Variants in PTK2 observed in about 807,000 individuals in gnomAD.
PTK2 encodes protein tyrosine kinase 2.
In PTK2, 45 loss-of-function variants were observed where a neutral mutation model predicts 150.1. The ratio of observed to expected loss-of-function variants is 0.30; its 90% CI spans 0.24 to 0.38. The LOEUF is 0.38. PTK2 is among the 10% of genes least tolerant of loss of function. The pLI is 1.00. For synonymous variants in PTK2, 432 were observed against 449.2 expected, an observed-to-expected ratio of 0.96 and a Z score of 0.48; for missense variants, 919 against 1,307.3, an observed-to-expected ratio of 0.70 and a Z score of 4.58.
At chr8:140,765,854 C>G (rs2100071974) in intron 14 of PTK2, among the ~76,000 whole-genome samples, 2 of 152,182 alleles carry the variant, frequency 1.3e-5, no homozygotes, top group African/African-American at 2.4e-5. Flanking sequence ...GGAATCTACT[C>G]TAACAGCTAA....
At chr8:140,695,040 A>G (rs899500374) in intron 26 of PTK2, among the ~76,000 whole-genome samples, 2 of 152,238 alleles carry the variant, frequency 1.3e-5, no homozygotes, top group Non-Finnish European at 2.9e-5. Context: ...TCTGGGCTCT[A>G]TGCCCTATAT....
chr8:140,896,796 G>GGGT (rs1213210741), intron 2 of PTK2, among the ~76,000 whole-genome samples: 5 of 127,686 alleles, frequency 3.9e-5, no homozygotes, highest in African/African-American at 7.6e-5. Context: ...AACGGGGGGG[G>GGGT]GGGGTGGGTA....
chr8:140,828,925 C>T (rs2100113579), intron 8 of PTK2, among the ~76,000 whole-genome samples: 1 of 152,198 alleles, frequency 6.6e-6, no homozygotes, highest in Non-Finnish European at 1.5e-5. Flanking sequence ...TCATTTAAAA[C>T]TCTTTGTTCT....
chr8:140,669,546 C>T (rs2094482700), intron 29 of PTK2, 181 bp downstream of exon 33: 2 of 597,984 alleles, frequency 3.3e-6, no homozygotes, highest in Non-Finnish European at 5.8e-6. Flanking sequence ...CAAAGATGTA[C>T]ATGTCTCATT....
chr8:140,860,003 C>G (rs7006465), intron 5 of PTK2, among the ~76,000 whole-genome samples: 1 of 152,168 alleles, frequency 6.6e-6, no homozygotes, highest in Non-Finnish European at 1.5e-5. Flanking sequence ...ATATTCAAAA[C>G]TTTCTTGCCA....
intron 29 of PTK2, chr8:140,669,955 G>A (rs564125990): frequency 8.4e-6 from 5 of 598,100 alleles, no homozygotes; most frequent in Non-Finnish European, 1.5e-5. Context: ...ACTGCATAGA[G>A]AGGTCTGCCA....
intron 1 of PTK2, among the ~76,000 whole-genome samples, chr8:140,998,350 G>GA (rs1589285953): frequency 6.6e-6 from 1 of 152,004 alleles, no homozygotes; most frequent in East Asian, 1.9e-4. Flanking sequence ...AATACAAGGG[G>GA]AAAAAGGTTT....
intron 5 of PTK2, among the ~76,000 whole-genome samples, chr8:140,858,603 C>A (rs2154605383): frequency 6.6e-6 from 1 of 152,068 alleles, no homozygotes; most frequent in East Asian, 1.9e-4. Flanking sequence ...CAATTAAAGA[C>A]AGTAGGAAAT....
intron 29 of PTK2, chr8:140,672,300 A>G (rs1413635413): frequency 3.1e-6 from 1 of 324,784 alleles, no homozygotes; most frequent in Non-Finnish European, 6.0e-6. Context: ...AGTAGCTGGG[A>G]CTATAGTCAT....
At chr8:140,812,593 G>A (rs1253877318) in intron 10 of PTK2, among the ~76,000 whole-genome samples, 2 of 151,970 alleles carry the variant, frequency 1.3e-5, no homozygotes, top group African/African-American at 2.4e-5. Flanking sequence ...ACACAGAGCT[G>A]GATAAAGAAC....
At chr8:140,924,444 C>T (rs995108399) in intron 2 of PTK2, among the ~76,000 whole-genome samples, 1 of 152,202 alleles carries the variant, frequency 6.6e-6, no homozygotes, top group Non-Finnish European at 1.5e-5. Flanking sequence ...GAAATTCTGT[C>T]TGTTCTGTAC....
At chr8:140,726,940 C>T (rs1005026312) in intron 22 of PTK2, among the ~76,000 whole-genome samples, 5 of 152,072 alleles carry the variant, frequency 3.3e-5, no homozygotes, top group Non-Finnish European at 7.3e-5. Flanking sequence ...GCATAATGGA[C>T]CAAGGTGGTG....
chr8:140,874,084 A>G (rs889535254), intron 4 of PTK2, among the ~76,000 whole-genome samples: 3 of 152,136 alleles, frequency 2.0e-5, no homozygotes, highest in Admixed American at 2.0e-4. Flanking sequence ...GTAGTATCCA[A>G]TGTTGTTGTT....
chr8:140,737,827 A>G (rs1462583079), intron 21 of PTK2, among the ~76,000 whole-genome samples: 2 of 152,232 alleles, frequency 1.3e-5, no homozygotes. Context: ...TGAAAGGATA[A>G]GTTACTTGCT....
Position 140,925,760 on chromosome 8 carries a change from A to T in PTK2, c.-121-11T>A. 1 of 617,588 alleles carries T rather than the reference A, an allele frequency of 1.6e-6. No individual in the cohort carries two copies. The allele number at this position is 617,588 out of a possible 1,614,324, so 38.3% of individuals were successfully genotyped here. A position where few individuals can be genotyped will look rare whatever the true frequency, so the allele number is the denominator to read the frequency against. On this transcript the variant is annotated splice_polypyrimidine_tract_variant and intron_variant, in intron 1 of 31. Transcript: ENST00000522684. ...GAGCCCCAGTTCTGCCTGTGAGACA[A>T]AGAAAATCATTTCAAAATCCTGAAC...
At chr8:140,861,701 T>C (rs1262035364) in intron 5 of PTK2, among the ~76,000 whole-genome samples, 1 of 152,196 alleles carries the variant, frequency 6.6e-6, no homozygotes, top group African/African-American at 2.4e-5. Flanking sequence ...TTATTCCATA[T>C]CTATATTTTA....
chr8:141,001,404 T>G (rs2100200221), upstream of PTK2: 2 of 150,524 alleles, frequency 1.3e-5, no homozygotes, highest in Admixed American at 1.3e-4. Context: ...GGACTGGGCA[T>G]GCGCGCCGCC....
intron 5 of PTK2, among the ~76,000 whole-genome samples, chr8:140,848,381 C>T (rs1042270294): frequency 2.0e-5 from 3 of 152,208 alleles, no homozygotes; most frequent in African/African-American, 4.8e-5. Flanking sequence ...AAGGACTATT[C>T]GTCTCAAAAC....
chr8:140,972,030 G>A (rs988117963), intron 1 of PTK2, among the ~76,000 whole-genome samples: 2 of 152,080 alleles, frequency 1.3e-5, no homozygotes, highest in South Asian at 2.1e-4. Flanking sequence ...TCAGTATTTC[G>A]ATGTATCCTG....
Sources: gnomAD v4.1 joint callset for allele counts (sites outside exome capture counted in the v4.1 genomes callset) on GRCh38, gnomAD v4.1.1 for gene constraint, MANE v1.5 for transcripts, NCBI Gene and HGNC (gene_info 2026-07-23, HGNC 2026-07-21) for gene names.